Variants in SLC35B2 observed in about 807,000 individuals in gnomAD.
SLC35B2 encodes adenosine 3'-phospho 5'-phosphosulfate transporter 1.
SLC35B2 carries 19 observed loss-of-function variants against 37.9 expected under a neutral mutation model. The observed-to-expected ratio is 0.50, with a 90% CI of 0.35 to 0.74. The LOEUF is 0.74. Among genes scored for constraint, SLC35B2 ranks in the 30% least tolerant of loss-of-function variants. The pLI is 0.01. For missense variants in SLC35B2, 633 were observed against 547.6 expected (o/e 1.16, Z -1.56); for synonymous variants, 277 against 225.2 (o/e 1.23, Z -2.06).
At position 44,255,212 on chromosome 6, in the gene SLC35B2, G is replaced by T; in HGVS notation, c.793C>A (p.Pro265Thr). Residue 265 changes from proline (P) to threonine (T), a missense_variant, in exon 4 of 4, where the codon CCA (proline) becomes ACA (threonine). Pro to Thr is a conservative substitution (Grantham distance 38, BLOSUM62 -1). Coordinates refer to ENST00000393812, the MANE Select transcript of SLC35B2 (RefSeq NM_178148.4). The part of the protein sequence containing the change: ...LSSGPEPRSS[P>T]ATTLSGLILL... ...ATGAGGCCTGAGAGTGTGGTGGCTG[G>T]GGAGCTGCGGGGCTCTGGTCCGCTG... 6.2e-7 allele frequency: 1 copy of T among 1,614,230 alleles called. No homozygotes were observed.
rs552921264 is a variant in SLC35B2 at position 44,254,471 on chromosome 6, C to T, written c.*235G>A. ...TGACCCCAAACTCCCCAAAACCCCT[C>T]ACTGAGGACTGTCTACCCCCGGGGC... On this transcript the variant is annotated 3_prime_UTR_variant, in exon 4 of 4. Transcript: ENST00000393812. 2.1e-5 allele frequency: 11 copies of T among 526,568 alleles called. No individual in the cohort carries two copies. The East Asian group carries it at 3.1e-4, about 15-fold the overall frequency. The allele number at this position is 526,568 out of a possible 1,614,324, so 32.6% of individuals were successfully genotyped here. A position where few individuals can be genotyped will look rare whatever the true frequency, so the allele number is the denominator to read the frequency against.
Position 44,254,707 on chromosome 6 carries a change from C to G in SLC35B2, c.1298G>C (p.Ter433SerextTer8). ...VPVESPVQKV* is the reference protein window; with the variant it reads ...VPVESPVQKVS ...TCACCCCTCAGGCCCTTTCCACCCT[C>G]AAACCTTCTGCACAGGAGACTCAAC... Residue 433 changes from the stop codon to serine, a stop_lost, in exon 4 of 4, where the codon TGA (stop) becomes TCA (serine). Coordinates refer to ENST00000393812, the MANE Select transcript of SLC35B2 (RefSeq NM_178148.4). 3 of 1,606,240 alleles carry G rather than the reference C, an allele frequency of 1.9e-6. No individual in the cohort carries two copies. The highest frequency in any genetic ancestry group is 2.6e-6 in the Non-Finnish European group (3 of 1,174,236).
In SLC35B2 at chr6:44,254,602, A is replaced by ACT; in HGVS notation, c.*103_*104insAG. 1.5e-6 allele frequency: 2 copies of ACT among 1,303,014 alleles called. No individual in the cohort carries two copies. Among genetic ancestry groups the ACT allele is most frequent in the Non-Finnish European group, 2.1e-6 (2 of 949,188 alleles). 80.7% of individuals were successfully genotyped at this position (1,303,014 alleles called of 1,614,324 possible). A position where few individuals can be genotyped will look rare whatever the true frequency, so the allele number is the denominator to read the frequency against. On this transcript the variant is annotated 3_prime_UTR_variant, in exon 4 of 4. Coordinates refer to ENST00000393812, the MANE Select transcript of SLC35B2 (RefSeq NM_178148.4). The stretch of plus-strand genomic sequence containing the variant: ...GCAGAGCTGGTCTGTGATACTGAGA[A>ACT]AACACCTGCATTTTGCCCTTTCAGC...
In SLC35B2 at chr6:44,255,613, TC is replaced by T. The variant is rs1781342201; in HGVS notation, c.391del (p.Glu131LysfsTer3). The T allele has an allele frequency of 6.2e-7, 1 of 1,613,810 alleles. No homozygotes were observed. The highest frequency in any genetic ancestry group is 8.5e-7 in the Non-Finnish European group (1 of 1,179,978). ...VSYLTWGVLQERVMTRSYGAT... is the reference protein window; with the variant it reads ...VSYLTWGVLQXRVMTRSYGAT... Reference sequence around the variant, plus strand: ...CCCATAGCTGCGGGTCATCACTCTTTCCTGCAGCACACCCCAAGTCAGATAA... The same window carrying T: ...CCCATAGCTGCGGGTCATCACTCTTTCTGCAGCACACCCCAAGTCAGATAA... On this transcript the variant is annotated frameshift_variant, in exon 4 of 4. Coordinates refer to ENST00000393812, the MANE Select transcript of SLC35B2 (RefSeq NM_178148.4). LOFTEE classifies it high-confidence loss of function.
Position 44,256,466 on chromosome 6 carries a change from G to A in SLC35B2, c.236C>T (p.Ala79Val), listed in dbSNP as rs200458556. 7 of 1,614,168 alleles carry A rather than the reference G, an allele frequency of 4.3e-6. No individual in the cohort carries two copies. The East Asian group carries it at 1.6e-4, about 36-fold the overall frequency. Residue 79 changes from alanine (A) to valine (V), a missense_variant, in exon 3 of 4, where the codon GCT (alanine) becomes GTT (valine). Physicochemically the swap from Ala to Val is moderately conservative, Grantham distance 64 (BLOSUM62 0). Coordinates refer to ENST00000393812, the MANE Select transcript of SLC35B2 (RefSeq NM_178148.4). ...GRGLCFPLVK[A>V]CVFGNEPKAS... ...CTTGGGCTCATTGCCAAACACACAA[G>A]CTTTCACCAGGGGAAAGCAGAGGCC...
chr6:44,256,597 G>A (rs1781536140), intron 2 of SLC35B2, 88 bp downstream of exon 2: 1 of 1,610,178 alleles, frequency 6.2e-7, no homozygotes, highest in South Asian at 1.1e-5. Flanking sequence ...CCGACCTCCC[G>A]CCCTCTCCAA....
At chr6:44,255,821 A>T (rs1781382451) in intron 3 of SLC35B2, among the ~76,000 whole-genome samples, 177 bp from the exon 4 acceptor site, 1 of 152,234 alleles carries the variant, frequency 6.6e-6, no homozygotes, top group African/African-American at 2.4e-5. Flanking sequence ...CTTGTAGGGA[A>T]TCAACTGTGT....
chr6:44,257,401 T>C lies in SLC35B2; in HGVS notation c.10A>G (p.Arg4Gly). The C allele has an allele frequency of 1.6e-6, 2 of 1,275,590 alleles. No homozygotes were observed. The highest frequency in any genetic ancestry group is 2.9e-5 in the South Asian group (1 of 34,176). The allele number at this position is 1,275,590 out of a possible 1,614,324, so 79.0% of individuals were successfully genotyped here. A position where few individuals can be genotyped will look rare whatever the true frequency, so the allele number is the denominator to read the frequency against. MDA[R>G]WWAVVVLAAF... ...GCTCGCTGCTGCCCTAGCCCCCACC[T>C]GGCGTCCATGGTCCAGGCCGCGTGG... The change falls in exon 1 of 4, where the codon AGA (arginine) becomes GGA (glycine). Residue 4 changes from arginine (R) to glycine (G), a missense_variant and splice_region_variant. Transcript: ENST00000393812.
intron 3 of SLC35B2, 121 bp downstream of exon 3, chr6:44,256,221 G>T: frequency 7.7e-7 from 1 of 1,299,522 alleles, no homozygotes; most frequent in Non-Finnish European, 1.1e-6. Context: ...GTGTGCCCCT[G>T]GGAGGAGGAC....
rs541092934 is a variant in SLC35B2 at position 44,254,466 on chromosome 6, C to T, written c.*240G>A. ...TCTCTTGACCCCAAACTCCCCAAAACCCCTCACTGAGGACTGTCTACCCCC... is the reference window on the plus strand; with the variant it reads ...TCTCTTGACCCCAAACTCCCCAAAATCCCTCACTGAGGACTGTCTACCCCC... On this transcript the variant is annotated 3_prime_UTR_variant, in exon 4 of 4. Coordinates refer to ENST00000393812, the MANE Select transcript of SLC35B2 (RefSeq NM_178148.4). 2.0e-6 allele frequency: 1 copy of T among 511,840 alleles called. No homozygotes were observed. The highest frequency in any genetic ancestry group is 1.9e-5 in the African/African-American group (1 of 52,320). The allele number at this position is 511,840 out of a possible 1,614,324, so 31.7% of individuals were successfully genotyped here.
At position 44,254,943 on chromosome 6, in the gene SLC35B2, G is replaced by A. The variant is rs1781226520; in HGVS notation, c.1062C>T (p.Phe354=). 1 of 1,614,060 alleles carries A rather than the reference G, an allele frequency of 6.2e-7. No individual in the cohort carries two copies. Among genetic ancestry groups the A allele is most frequent in the South Asian group, 1.1e-5 (1 of 91,086 alleles). Residue 354 remains phenylalanine (F), a synonymous_variant, in exon 4 of 4, where the codon TTC becomes TTT. Coordinates refer to ENST00000393812, the MANE Select transcript of SLC35B2 (RefSeq NM_178148.4). The part of the protein sequence containing the change: ...LSICSACGQL[F]IFYTIGQFGA... ...CAAACTGCCCAATGGTGTAAAAGATGAAGAGCTGGCCACATGCGGAGCAGA... is the reference window on the plus strand; with the variant it reads ...CAAACTGCCCAATGGTGTAAAAGATAAAGAGCTGGCCACATGCGGAGCAGA...
chr6:44,256,261 G>T, intron 3 of SLC35B2, 81 bp downstream of exon 3: 1 of 1,522,362 alleles, frequency 6.6e-7, no homozygotes, highest in Non-Finnish European at 8.8e-7. Flanking sequence ...AAAGCTCTGG[G>T]ACTGGTAAAA....
chr6:44,256,333 C>T lies in SLC35B2; in HGVS notation c.360+9G>A, dbSNP rs773694167. 1.3e-6 allele frequency: 2 copies of T among 1,599,342 alleles called. No homozygotes were observed. Among genetic ancestry groups the T allele is most frequent in the Non-Finnish European group, 1.7e-6 (2 of 1,173,122 alleles). On this transcript the variant is annotated intron_variant, in intron 3 of 3. Transcript: ENST00000393812. ...AACCCAGGAAGAGAGGCTGAGCCCA[C>T]CTACCCACCTGGAGCCCTGTGGCAC...
intron 1 of SLC35B2, 108 bp from the exon 2 acceptor site, chr6:44,256,986 G>T: frequency 8.3e-7 from 1 of 1,211,866 alleles, no homozygotes; most frequent in Non-Finnish European, 1.1e-6. Flanking sequence ...CGCCCCCTCC[G>T]CTGCAGCTCC....
intron 1 of SLC35B2, 74 bp downstream of exon 1, chr6:44,257,326 C>T (rs986157022): frequency 3.0e-6 from 4 of 1,313,278 alleles, no homozygotes; most frequent in Middle Eastern, 2.9e-4. Context: ...CCCACCCGGC[C>T]CCCGTGCTGA....
chr6:44,255,689 G>A (rs1456466882), intron 3 of SLC35B2, 45 bp from the exon 4 acceptor site: 3 of 1,539,718 alleles, frequency 1.9e-6, no homozygotes, highest in Non-Finnish European at 2.6e-6. Context: ...GCAAGATAAT[G>A]AAAAGGTAGA....
Position 44,256,795 on chromosome 6 carries a change from G to A in SLC35B2, c.95C>T (p.Thr32Ile). ...ETPEAPPESW[T>I]QLWFFRFVVN... ...CACAAATCGGAAGAACCATAGCTGG[G>A]TCCATGACTCCGGAGGGGCTTCGGG... Residue 32 changes from threonine (T) to isoleucine (I), a missense_variant, in exon 2 of 4, where the codon ACC (threonine) becomes ATC (isoleucine). Thr to Ile is a moderately conservative substitution (Grantham distance 89, BLOSUM62 -1). Transcript: ENST00000393812. The A allele has an allele frequency of 6.2e-7, 1 of 1,614,192 alleles. No homozygotes were observed. The highest frequency in any genetic ancestry group is 8.5e-7 in the Non-Finnish European group (1 of 1,180,026).
chr6:44,254,344 G>A lies in SLC35B2; in HGVS notation c.*362C>T, dbSNP rs752505476. On this transcript the variant is annotated 3_prime_UTR_variant, in exon 4 of 4. Transcript: ENST00000393812. ...TTTCTCACCAGGGTAAGAAATGCAG[G>A]TATTTGCAGAGGGGAGTGAGTCTGG... 2 of 238,580 alleles carry A rather than the reference G, an allele frequency of 8.4e-6. No individual in the cohort carries two copies. Among genetic ancestry groups the A allele is most frequent in the South Asian group, 1.4e-4 (2 of 14,328 alleles). The allele number at this position is 238,580 out of a possible 1,614,324, so 14.8% of individuals were successfully genotyped here.
intron 2 of SLC35B2, 41 bp from the exon 3 acceptor site, chr6:44,256,537 T>A (rs373224435): frequency 3.7e-6 from 6 of 1,613,738 alleles, no homozygotes; most frequent in Non-Finnish European, 5.1e-6. Flanking sequence ...ATCTTCTCCA[T>A]AGCACTTCAT....
Sources: allele counts gnomAD v4.1 joint callset (sites outside exome capture counted in the v4.1 genomes callset), GRCh38; gene constraint gnomAD v4.1.1; transcripts MANE v1.5; gene names NCBI Gene and HGNC (gene_info 2026-07-23, HGNC 2026-07-21).